The following SLCO2B1 variants were observed in gnomAD, a reference collection of about 807,000 sequenced individuals.
SLCO2B1 encodes the protein OATP-RP2.
A neutral mutation model predicts 67.3 loss-of-function variants in SLCO2B1; 41 were observed. The ratio of observed to expected loss-of-function variants is 0.61; its 90% CI spans 0.47 to 0.79. The LOEUF (loss-of-function observed/expected upper bound fraction) is 0.79, where lower values mean the gene tolerates loss of function less well. Among genes scored for constraint, SLCO2B1 ranks in the 30% least tolerant of loss-of-function variants. The pLI, the probability that SLCO2B1 is intolerant of heterozygous loss-of-function variation, is 0.00. For missense variants in SLCO2B1, 837 were observed against 920.1 expected, an observed-to-expected ratio of 0.91 and a Z score of 1.17; for synonymous variants, 379 against 381.4, an observed-to-expected ratio of 0.99 and a Z score of 0.07.
intron 7 of SLCO2B1, among the ~76,000 whole-genome samples, chr11:75,182,071 G>A (rs977525832): frequency 2.6e-5 from 4 of 152,182 alleles, no homozygotes; most frequent in African/African-American, 7.2e-5. Context: ...GCCAAGCACT[G>A]CTGTAATCAA....
chr11:75,180,806 T>C (rs947913762), intron 7 of SLCO2B1, among the ~76,000 whole-genome samples: 1 of 152,230 alleles, frequency 6.6e-6, no homozygotes, highest in Non-Finnish European at 1.5e-5. Context: ...GATATAGTTA[T>C]TACCCCCATC....
chr11:75,194,234 A>G (rs1168228443), intron 9 of SLCO2B1, among the ~76,000 whole-genome samples: 1 of 152,132 alleles, frequency 6.6e-6, no homozygotes, highest in African/African-American at 2.4e-5. Flanking sequence ...TATCTCTCCA[A>G]TTCTCCCTCA....
At chr11:75,164,501 G>A (rs887166519) in intron 3 of SLCO2B1, among the ~76,000 whole-genome samples, 3 of 152,024 alleles carry the variant, frequency 2.0e-5, no homozygotes, top group South Asian at 2.1e-4. Context: ...TGGGATGGTC[G>A]CGGGAGGGAT....
chr11:75,200,365 C>T lies in SLCO2B1; in HGVS notation c.1741C>T (p.Pro581Ser). 1.2e-6 allele frequency: 2 copies of T among 1,609,248 alleles called. No individual in the cohort carries two copies. Among genetic ancestry groups the T allele is most frequent in the Non-Finnish European group, 8.5e-7 (1 of 1,177,494 alleles). ...GGCCCTGGCCTGTCTCACCCACACA[C>T]CCTCCTTCATGCTCATCCTAAGGTG... ...GSALACLTHT[P>S]SFMLILRGVK... The change falls in exon 11 of 14, where the codon CCC (proline) becomes TCC (serine). Residue 581 changes from proline (P) to serine (S), a missense_variant. Physicochemically the swap from Pro to Ser is moderately conservative, Grantham distance 74. Transcript: ENST00000289575.
chr11:75,170,504 C>T lies in SLCO2B1; in HGVS notation c.781+740C>T, dbSNP rs182053459. Among the ~76,000 whole-genome samples, 332 of 152,258 alleles carry T rather than the reference C, an allele frequency of 2.2e-3. 1 individual carries two copies. Among genetic ancestry groups the T allele is most frequent in the African/African-American group, 7.5e-3 (313 of 41,544 alleles). On this transcript the variant is annotated intron_variant, in intron 6 of 13. Transcript: ENST00000289575. ...CTGTTAGAGCACGTCACTGTGGCATCCCAGCTCCCAACTCGTCGCACCAAG... is the reference window on the plus strand; with the variant it reads ...CTGTTAGAGCACGTCACTGTGGCATTCCAGCTCCCAACTCGTCGCACCAAG...
intron 8 of SLCO2B1, among the ~76,000 whole-genome samples, chr11:75,192,108 C>T (rs531377193): frequency 6.6e-6 from 1 of 152,322 alleles, no homozygotes; most frequent in South Asian, 2.1e-4. Context: ...AGATCCCCCC[C>T]ACCATTCTTT....
At chr11:75,166,646 CATCT>C (rs1201147249) in intron 4 of SLCO2B1, among the ~76,000 whole-genome samples, 2 of 152,270 alleles carry the variant, frequency 1.3e-5, no homozygotes, top group Non-Finnish European at 2.9e-5. Flanking sequence ...ACTACTCATC[CATCT>C]ATTTATCTAT....
intron 7 of SLCO2B1, among the ~76,000 whole-genome samples, chr11:75,177,098 C>T (rs1950035043): frequency 6.6e-6 from 1 of 152,024 alleles, no homozygotes; most frequent in Admixed American, 6.5e-5. Context: ...AATTGAACCC[C>T]CAGAACCCCA....
At chr11:75,169,843 C>T (rs1949938562) in intron 6 of SLCO2B1, 79 bp downstream of exon 6, 2 of 1,229,468 alleles carry the variant, frequency 1.6e-6, no homozygotes, top group Non-Finnish European at 2.4e-6. Context: ...GCCAGGGGAC[C>T]TCGGTTCAAA....
chr11:75,157,402 C>G (rs1949757919), intron 1 of SLCO2B1, among the ~76,000 whole-genome samples: 1 of 152,194 alleles, frequency 6.6e-6, no homozygotes, highest in African/African-American at 2.4e-5. Context: ...TCAGGAGATG[C>G]TTTCTGCACC....
chr11:75,199,310 ACTCT>A (rs1440240273), intron 10 of SLCO2B1, among the ~76,000 whole-genome samples: 1 of 151,512 alleles, frequency 6.6e-6, no homozygotes, highest in Non-Finnish European at 1.5e-5. Flanking sequence ...TCACGTGCTC[ACTCT>A]CTCTTGCCTT....
intron 8 of SLCO2B1, among the ~76,000 whole-genome samples, chr11:75,191,985 A>C (rs1176178133): frequency 6.6e-6 from 1 of 152,186 alleles, no homozygotes; most frequent in Non-Finnish European, 1.5e-5. Context: ...AGGAGCTAGC[A>C]GGAGACTGGG....
At chr11:75,174,536 G>T (rs1314943278) in intron 7 of SLCO2B1, among the ~76,000 whole-genome samples, 1 of 152,210 alleles carries the variant, frequency 6.6e-6, no homozygotes, top group African/African-American at 2.4e-5. Flanking sequence ...ACAGTGATGA[G>T]TTGGGCTGAT....
chr11:75,162,569 G>A, intron 1 of SLCO2B1, 86 bp from the exon 2 acceptor site: 1 of 1,416,746 alleles, frequency 7.1e-7, no homozygotes, highest in African/African-American at 1.4e-5. Context: ...AAAGACCTTG[G>A]TTCTGAGGTC....
intron 1 of SLCO2B1, among the ~76,000 whole-genome samples, chr11:75,154,294 C>G (rs1949722515): frequency 6.6e-6 from 1 of 151,072 alleles, no homozygotes; most frequent in Non-Finnish European, 1.5e-5. Flanking sequence ...AGTTCGAGAC[C>G]AGCCTGACCA....
Position 75,162,672 on chromosome 11 carries a change from C to A in SLCO2B1, c.34C>A (p.Pro12Thr). 6.2e-7 allele frequency: 1 copy of A among 1,613,644 alleles called. No individual in the cohort carries two copies. The highest frequency in any genetic ancestry group is 8.5e-7 in the Non-Finnish European group (1 of 1,179,850). ...TCCCTCAGGGCCAGCGGGTGAGGTACCCCAGGTACCAGACAAGGAAACCAA... is the reference window on the plus strand; with the variant it reads ...TCCCTCAGGGCCAGCGGGTGAGGTAACCCAGGTACCAGACAAGGAAACCAA... ...GPRIGPAGEV[P>T]QVPDKETKAT... The change falls in exon 2 of 14, where the codon CCC (proline) becomes ACC (threonine). Residue 12 changes from proline (P) to threonine (T), a missense_variant. Transcript: ENST00000289575.
At chr11:75,159,816 G>T in intron 1 of SLCO2B1, 1 of 984,330 alleles carries the variant, frequency 1.0e-6, no homozygotes, top group Non-Finnish European at 1.2e-6. Context: ...GTACTCCCAG[G>T]AAGGCTTTGA....
At chr11:75,175,392 A>G (rs1472612431) in intron 7 of SLCO2B1, among the ~76,000 whole-genome samples, 2 of 152,166 alleles carry the variant, frequency 1.3e-5, no homozygotes, top group Admixed American at 1.3e-4. Flanking sequence ...AGGCCCCCAG[A>G]CATGGGATGT....
chr11:75,162,660 G>T lies in SLCO2B1; in HGVS notation c.22G>T (p.Ala8Ser). The change falls in exon 2 of 14, where the codon GCG becomes TCG. Residue 8 changes from alanine (A) to serine (S), a missense_variant. Coordinates refer to ENST00000289575, the MANE Select transcript of SLCO2B1 (RefSeq NM_007256.5). MGPRIGP[A>S]GEVPQVPDKE... ...CCTGGTTTTCTGTCCCTCAGGGCCA[G>T]CGGGTGAGGTACCCCAGGTACCAGA... 1 of 1,613,454 alleles carries T rather than the reference G, an allele frequency of 6.2e-7. No individual in the cohort carries two copies. The highest frequency in any genetic ancestry group is 1.1e-5 in the South Asian group (1 of 90,986).
Sources: gnomAD v4.1 joint callset for allele counts (sites outside exome capture counted in the v4.1 genomes callset) on GRCh38, gnomAD v4.1.1 for gene constraint, MANE v1.5 for transcripts, NCBI Gene and HGNC (gene_info 2026-07-23, HGNC 2026-07-21) for gene names.